The following STK32B variants were observed in gnomAD, a reference collection of about 807,000 sequenced individuals.
STK32B encodes the protein serine/threonine-protein kinase 32B.
STK32B carries 43 observed loss-of-function variants against 52.6 expected under a neutral mutation model. The ratio of observed to expected loss-of-function variants is 0.82; its 90% CI spans 0.64 to 1.05. STK32B has a LOEUF of 1.05. Ranked by LOEUF, STK32B falls within the 50% of genes least tolerant of loss-of-function variation. The pLI is 0.00. For synonymous variants in STK32B, 238 were observed against 204.3 expected, an observed-to-expected ratio of 1.17 and a Z score of -1.41; for missense variants, 621 against 534.6, an observed-to-expected ratio of 1.16 and a Z score of -1.59.
intron 3 of STK32B, among the ~76,000 whole-genome samples, chr4:5,240,060 CTCTCTCTCTCTCTG>C (rs1448890774): frequency 2.0e-5 from 3 of 150,726 alleles, no homozygotes; most frequent in Admixed American, 6.6e-5. Context: ...TCTTCTCTCT[CTCTCTCTCTCTCTG>C]TCTCTCTCTC....
At chr4:5,364,831 T>A (rs1394803415) in intron 4 of STK32B, among the ~76,000 whole-genome samples, 1 of 152,176 alleles carries the variant, frequency 6.6e-6, no homozygotes, top group Non-Finnish European at 1.5e-5. Flanking sequence ...CCTGAATGTC[T>A]CACTTCTAGC....
chr4:5,146,319 A>G (rs937293110), intron 2 of STK32B, among the ~76,000 whole-genome samples: 2 of 152,210 alleles, frequency 1.3e-5, no homozygotes, highest in East Asian at 1.9e-4. Flanking sequence ...TGCAGCCTTC[A>G]GTCTGTGACC....
rs926907443 is a variant in STK32B, at chr4:5,137,338, C to T, written c.53-2567C>T. ...GCAAGAAGGAGCAGAAGAGAGGCCA[C>T]TCCCTAAAGTCAGACTCCACAGAGA... On this transcript the variant is annotated intron_variant, in intron 1 of 11. Transcript: ENST00000282908. 3.9e-5 allele frequency among the ~76,000 whole-genome samples: 6 copies of T among 152,342 alleles called. No homozygotes were observed. The South Asian group carries it at 8.3e-4, about 21-fold the overall frequency.
the STK32B span, among the ~76,000 whole-genome samples, chr4:5,022,577 C>T: frequency 2.4e-4 from 37 of 152,332 alleles, no homozygotes; most frequent in East Asian, 6.8e-3. Flanking sequence ...AATTTGCCCA[C>T]AAATCAGGTA....
chr4:5,309,670 T>C (rs1730161667), intron 3 of STK32B, among the ~76,000 whole-genome samples: 1 of 152,176 alleles, frequency 6.6e-6, no homozygotes. Flanking sequence ...CCAAAAATAC[T>C]GAATATTCAT....
chr4:5,356,779 C>A (rs762696088), intron 4 of STK32B, among the ~76,000 whole-genome samples: 1 of 152,114 alleles, frequency 6.6e-6, no homozygotes, highest in African/African-American at 2.4e-5. Context: ...GGTGTATCAC[C>A]TGGGGTCAGG....
intron 3 of STK32B, among the ~76,000 whole-genome samples, chr4:5,254,181 C>G (rs1325341970): frequency 6.6e-6 from 1 of 152,124 alleles, no homozygotes; most frequent in Admixed American, 6.5e-5. Context: ...TTAAATTTAT[C>G]TATGTTTGCA....
chr4:5,235,924 T>G (rs867137315), intron 3 of STK32B, among the ~76,000 whole-genome samples: 2 of 151,894 alleles, frequency 1.3e-5, no homozygotes, highest in East Asian at 3.9e-4. Context: ...ACTAGCTCTT[T>G]AAAGGAAGCA....
intron 4 of STK32B, among the ~76,000 whole-genome samples, chr4:5,354,796 A>G (rs907276523): frequency 5.3e-5 from 8 of 152,236 alleles, no homozygotes; most frequent in African/African-American, 1.7e-4. Flanking sequence ...AAAAAATTGT[A>G]TGTACCCCAT....
At position 5,425,697 on chromosome 4, in the gene STK32B, A is replaced by T. The variant is rs191095269; in HGVS notation, c.562+8763A>T. ...GCAGTAAAATGTACTCTTTTAGTGTATAGCTCTCTGAATTCAGACAAACAC... is the reference window on the plus strand; with the variant it reads ...GCAGTAAAATGTACTCTTTTAGTGTTTAGCTCTCTGAATTCAGACAAACAC... On this transcript the variant is annotated intron_variant, in intron 6 of 11. Transcript: ENST00000282908. Among the ~76,000 whole-genome samples the T allele has an allele frequency of 3.9e-5, 6 of 152,332 alleles. No homozygotes were observed. In the East Asian group the frequency reaches 1.2e-3, roughly 29 times the overall value.
intron 3 of STK32B, among the ~76,000 whole-genome samples, chr4:5,315,310 A>C (rs1730592880): frequency 1.3e-5 from 2 of 152,184 alleles, no homozygotes; most frequent in South Asian, 2.1e-4. Context: ...GGCTAGCTTA[A>C]AAATAGTGAT....
At chr4:5,435,407 G>T (rs964112308) in intron 6 of STK32B, among the ~76,000 whole-genome samples, 1 of 152,100 alleles carries the variant, frequency 6.6e-6, no homozygotes, top group African/African-American at 2.4e-5. Context: ...TGCCCCAGGG[G>T]GTCCTCAGTC....
intron 3 of STK32B, among the ~76,000 whole-genome samples, chr4:5,311,448 A>G (rs1205029935): frequency 2.6e-5 from 4 of 152,196 alleles, no homozygotes; most frequent in African/African-American, 9.6e-5. Context: ...GTAGAAATCA[A>G]TGAAATTGAA....
intron 3 of STK32B, among the ~76,000 whole-genome samples, chr4:5,199,791 C>A (rs1028457478): frequency 6.7e-6 from 1 of 150,046 alleles, no homozygotes. Flanking sequence ...CCCCCACTTA[C>A]GCCACAAAAC....
rs934134311 is a variant in STK32B at position 5,469,835 on chromosome 4, G to A, written c.1106+1765G>A. Among the ~76,000 whole-genome samples, 5 of 152,156 alleles carry A rather than the reference G, an allele frequency of 3.3e-5. No homozygotes were observed. The highest frequency in any genetic ancestry group is 2.1e-4 in the South Asian group (1 of 4,834). On this transcript the variant is annotated intron_variant, in intron 11 of 11. Coordinates refer to ENST00000282908, the MANE Select transcript of STK32B (RefSeq NM_018401.3). This position sits in a 1 kb window ranked among gnomAD's most constrained non-coding sequence, Gnocchi z 4.7. ...GGGGGCTGATGTCGTGAGTGGTTTC[G>A]GAGCTTATCCCAATTTGCCTGTGGT... is the stretch of plus-strand genomic sequence containing the variant.
At chr4:5,308,430 A>G (rs1168147730) in intron 3 of STK32B, among the ~76,000 whole-genome samples, 1 of 152,146 alleles carries the variant, frequency 6.6e-6, no homozygotes, top group Non-Finnish European at 1.5e-5. Context: ...ACTTTAAGTA[A>G]TCTACACTCT....
chr4:5,307,919 A>C (rs1730037053), intron 3 of STK32B, among the ~76,000 whole-genome samples: 1 of 151,962 alleles, frequency 6.6e-6, no homozygotes, highest in African/African-American at 2.4e-5. Flanking sequence ...GCCACCCAGC[A>C]GAACCACCAG....
intron 6 of STK32B, among the ~76,000 whole-genome samples, chr4:5,427,828 A>G (rs1226912810): frequency 6.6e-6 from 1 of 151,826 alleles, no homozygotes. Context: ...TATCAAATGT[A>G]TTGATCTTTT....
At chr4:5,442,533 A>C (rs1714890933) in intron 6 of STK32B, among the ~76,000 whole-genome samples, 1 of 150,568 alleles carries the variant, frequency 6.6e-6, no homozygotes, top group Non-Finnish European at 1.5e-5. Flanking sequence ...AATACAGCAC[A>C]CTGATGGGTC....
Sources: allele counts gnomAD v4.1 joint callset (sites outside exome capture counted in the v4.1 genomes callset), GRCh38; gene constraint gnomAD v4.1.1; non-coding constraint Gnocchi (gnomAD v3.1); transcripts MANE v1.5; gene names NCBI Gene and HGNC (gene_info 2026-07-23, HGNC 2026-07-21).